Variants in MS4A10 observed in about 807,000 individuals in gnomAD.
The protein encoded by MS4A10 is membrane-spanning 4-domains subfamily A member 10.
MS4A10 carries 27 observed loss-of-function variants against 27.7 expected under a neutral mutation model. That is an observed-to-expected ratio of 0.98 (90% CI 0.72 to 1.35). MS4A10 has a LOEUF of 1.35. MS4A10 is among the 40% of genes most tolerant of loss of function. The probability of loss-of-function intolerance (pLI) is 0.00; values close to 1 mark genes in which losing one functional copy is unlikely to be tolerated. For missense variants in MS4A10, 338 were observed against 324.7 expected, an observed-to-expected ratio of 1.04 and a Z score of -0.32; for synonymous variants, 139 against 131.2, an observed-to-expected ratio of 1.06 and a Z score of -0.41.
At chr11:60,796,796 A>G (rs1209390103) in intron 6 of MS4A10, among the ~76,000 whole-genome samples, 1 of 152,112 alleles carries the variant, frequency 6.6e-6, no homozygotes, top group Non-Finnish European at 1.5e-5. Context: ...GTCTCTGCTC[A>G]CCCCAAAGAT....
At chr11:60,799,540 G>A (rs564197320) in intron 7 of MS4A10, among the ~76,000 whole-genome samples, 2 of 152,028 alleles carry the variant, frequency 1.3e-5, no homozygotes, top group African/African-American at 2.4e-5. Context: ...CTCCAACCCC[G>A]TGGTCTCACC....
At position 60,795,628 on chromosome 11, in the gene MS4A10, C is replaced by A; in HGVS notation, c.566C>A (p.Ala189Asp). The change falls in exon 6 of 8, where the codon GCT becomes GAT. Residue 189 changes from alanine to aspartate, a missense_variant. Coordinates refer to ENST00000308287, the MANE Select transcript of MS4A10 (RefSeq NM_206893.4). ...GAGCTCTTCCTGCCAGTGCCCACAG[C>A]TGTCACAGCCTGGAGAGGGGACTGC... ...VLELFLPVPTAVTAWRGDCPS... is the reference protein window; with the variant it reads ...VLELFLPVPTDVTAWRGDCPS... 6.3e-7 allele frequency: 1 copy of A among 1,594,796 alleles called. No homozygotes were observed. The highest frequency in any genetic ancestry group is 8.5e-7 in the Non-Finnish European group (1 of 1,170,444).
intron 5 of MS4A10, among the ~76,000 whole-genome samples, chr11:60,795,169 G>A (rs942578187): frequency 2.0e-5 from 3 of 152,060 alleles, no homozygotes; most frequent in African/African-American, 7.2e-5. Context: ...CCAGCTGCAC[G>A]GCTCTTCCCC....
In MS4A10 at chr11:60,790,470, C is replaced by T; in HGVS notation, c.135C>T (p.His45=). Residue 45 remains histidine, a synonymous_variant, in exon 2 of 8, where the codon CAC becomes CAT. Coordinates refer to ENST00000308287, the MANE Select transcript of MS4A10 (RefSeq NM_206893.4). ...NTTQPKLLAP[H]QHEKSQKKSS... ...CCCAGCCCAAGCTCCTGGCTCCACACCAGCACGAGAAGTCCCAGAAGAAGA... is the reference window on the plus strand; with the variant it reads ...CCCAGCCCAAGCTCCTGGCTCCACATCAGCACGAGAAGTCCCAGAAGAAGA... The T allele has an allele frequency of 6.2e-7, 1 of 1,614,166 alleles. No individual in the cohort carries two copies. Among genetic ancestry groups the T allele is most frequent in the Non-Finnish European group, 8.5e-7 (1 of 1,180,026 alleles).
chr11:60,798,306 C>A, intron 6 of MS4A10, 90 bp from the exon 7 acceptor site: 1 of 1,011,002 alleles, frequency 9.9e-7, no homozygotes, highest in Non-Finnish European at 1.5e-6. Flanking sequence ...GAACTTGAGT[C>A]TTCAGAAGTG....
rs368125384 is a variant in MS4A10 at position 60,790,420 on chromosome 11, C to A, written c.85C>A (p.Gln29Lys). The A allele has an allele frequency of 1.2e-6, 2 of 1,614,188 alleles. No individual in the cohort carries two copies. Among genetic ancestry groups the A allele is most frequent in the East Asian group, 2.2e-5 (1 of 44,862 alleles). The change falls in exon 2 of 8, where the codon CAG (glutamine) becomes AAG (lysine). Residue 29 changes from glutamine to lysine, a missense_variant. Physicochemically the swap from Gln to Lys is moderately conservative, Grantham distance 53. Transcript: ENST00000308287. ...WQVLSPVQPW[Q>K]TSAPQNTTQP... is the part of the protein sequence containing the mutation. ...AGTCCTCAGCCCAGTCCAGCCCTGG[C>A]AGACAAGTGCACCCCAGAACACGAC...
Position 60,791,099 on chromosome 11 carries a change from T to C in MS4A10, c.303+6T>C, listed in dbSNP as rs769165729. 2 of 1,613,594 alleles carry C rather than the reference T, an allele frequency of 1.2e-6. No individual in the cohort carries two copies. Among genetic ancestry groups the C allele is most frequent in the South Asian group, 2.2e-5 (2 of 91,042 alleles). On this transcript the variant is annotated splice_donor_region_variant and intron_variant, in intron 3 of 7. Transcript: ENST00000308287. ...CATTCTGGGGGGCTGCCTCTGTGAG[T>C]AGAAGGCAAAACACAGACCGGGTGT...
intron 4 of MS4A10, among the ~76,000 whole-genome samples, chr11:60,793,454 A>G (rs1854464385): frequency 6.6e-6 from 1 of 152,228 alleles, no homozygotes; most frequent in African/African-American, 2.4e-5. Flanking sequence ...AATGATGCTT[A>G]ACCCGAGAGG....
chr11:60,794,137 C>G, intron 5 of MS4A10, 34 bp downstream of exon 5: 1 of 1,612,926 alleles, frequency 6.2e-7, no homozygotes, highest in Non-Finnish European at 8.5e-7. Flanking sequence ...CCTCTGACTT[C>G]AGCGAAGGTG....
rs775690012 is a variant in MS4A10 at position 60,794,013 on chromosome 11, C to T, written c.402C>T (p.Cys134=). 214 of 1,614,018 alleles carry T rather than the reference C, an allele frequency of 1.3e-4. No homozygotes were observed. Among genetic ancestry groups the T allele is most frequent in the Non-Finnish European group, 1.7e-4 (206 of 1,180,030 alleles). ...TGACAAACCTCATCAGCCTCTTTTG[C>T]GTGCTGTCTGGCCTCTTCGTCATCT... ...CLMTNLISLF[C]VLSGLFVISK... Residue 134 remains cysteine (C), a synonymous_variant, in exon 5 of 8, where the codon TGC becomes TGT. Transcript: ENST00000308287.
Position 60,795,675 on chromosome 11 carries a change from G to A in MS4A10, c.603+10G>A. 6.5e-7 allele frequency: 1 copy of A among 1,535,900 alleles called. No homozygotes were observed. The highest frequency in any genetic ancestry group is 1.3e-5 in the South Asian group (1 of 78,796). On this transcript the variant is annotated intron_variant, in intron 6 of 7. Coordinates refer to ENST00000308287, the MANE Select transcript of MS4A10 (RefSeq NM_206893.4). ...CTGCCCATCTGCAAAGGTAAGACAA[G>A]GGCTTGTCTTCCCAGGAAGACAAAA...
intron 1 of MS4A10, among the ~76,000 whole-genome samples, chr11:60,786,264 G>T (rs1162181352): frequency 5.3e-5 from 8 of 151,936 alleles, no homozygotes; most frequent in Non-Finnish European, 1.0e-4. Context: ...TCTGATGAGG[G>T]TCATATTATT....
At chr11:60,792,190 AGGGGTG>A in intron 3 of MS4A10, 69 bp from the exon 4 acceptor site, 2 of 1,009,776 alleles carry the variant, frequency 2.0e-6, no homozygotes, top group South Asian at 1.3e-5. Flanking sequence ...CTTGGAGAAT[AGGGGTG>A]GGGGTGGGAA....
chr11:60,790,617 A>G, intron 2 of MS4A10, 99 bp downstream of exon 2: 1 of 1,318,174 alleles, frequency 7.6e-7, no homozygotes, highest in East Asian at 2.4e-5. Context: ...GGGAAAAGAG[A>G]AAGGCTCCAG....
chr11:60,794,225 C>G (rs1241488667), intron 5 of MS4A10, 122 bp downstream of exon 5: 2 of 1,111,106 alleles, frequency 1.8e-6, no homozygotes, highest in East Asian at 4.9e-5. Flanking sequence ...GCTGCTGGGC[C>G]CTTTGCCAAC....
In MS4A10 at chr11:60,790,307, C is replaced by T; in HGVS notation, c.-22-7C>T. ...GGGTTCTGACGGCCTTCCTCCCCGT[C>T]CTGCAGCCAGGGCCCCCATCCAGCA... is the stretch of plus-strand genomic sequence containing the variant. On this transcript the variant is annotated splice_polypyrimidine_tract_variant and splice_region_variant and intron_variant, in intron 1 of 7. Transcript: ENST00000308287. 6.2e-7 allele frequency: 1 copy of T among 1,611,814 alleles called. No individual in the cohort carries two copies. The highest frequency in any genetic ancestry group is 8.5e-7 in the Non-Finnish European group (1 of 1,178,622).
intron 1 of MS4A10, among the ~76,000 whole-genome samples, chr11:60,788,744 C>T (rs1291409249): frequency 6.6e-6 from 1 of 152,210 alleles, no homozygotes; most frequent in Non-Finnish European, 1.5e-5. Flanking sequence ...AATCAGCGGT[C>T]GTCACTGCAG....
In MS4A10 at chr11:60,798,391, C is replaced by G; in HGVS notation, c.604-5C>G. On this transcript the variant is annotated splice_polypyrimidine_tract_variant and splice_region_variant and intron_variant, in intron 6 of 7. Transcript: ENST00000308287. ...GCAGCAGGGGCGGCGACTTTTCTTT[C>G]GCAGAATGATGATGCATGCCTTGTT... is the stretch of plus-strand genomic sequence containing the variant. The G allele has an allele frequency of 1.2e-6, 2 of 1,611,446 alleles. No homozygotes were observed. The highest frequency in any genetic ancestry group is 2.2e-5 in the East Asian group (1 of 44,844).
Position 60,801,035 on chromosome 11 carries a change from A to G in MS4A10, c.*1126A>G, listed in dbSNP as rs568126. 148,053 of 152,198 alleles carry G rather than the reference A, an allele frequency of 0.97. 72,149 individuals are homozygous for G. The highest frequency in any genetic ancestry group is 1 in the Middle Eastern group (294 of 294). The allele number at this position is 152,198 out of a possible 1,614,324, so 9.4% of individuals were successfully genotyped here. On this transcript the variant is annotated 3_prime_UTR_variant, in exon 8 of 8. Coordinates refer to ENST00000308287, the MANE Select transcript of MS4A10 (RefSeq NM_206893.4). ...TCTCAAACTTCTGACCTCATAATCCACCCACCTTGGCCTCCCAAAGTGCTA... is the reference window on the plus strand; with the variant it reads ...TCTCAAACTTCTGACCTCATAATCCGCCCACCTTGGCCTCCCAAAGTGCTA...
Sources: gnomAD v4.1 joint callset for allele counts (sites outside exome capture counted in the v4.1 genomes callset) on GRCh38, gnomAD v4.1.1 for gene constraint, MANE v1.5 for transcripts, NCBI Gene and HGNC (gene_info 2026-07-23, HGNC 2026-07-21) for gene names.